Variants in NFKBIZ observed in about 807,000 individuals in gnomAD.
The protein encoded by NFKBIZ is NFKB inhibitor zeta.
In NFKBIZ, 19 loss-of-function variants were observed where a neutral mutation model predicts 76.8. The observed-to-expected ratio is 0.25, with a 90% CI of 0.17 to 0.36. The LOEUF is 0.36. NFKBIZ is among the 10% of genes least tolerant of loss of function. The pLI, the probability that NFKBIZ is intolerant of heterozygous loss-of-function variation, is 1.00. For missense variants in NFKBIZ, 829 were observed against 910.9 expected (o/e 0.91, Z 1.16); for synonymous variants, 368 against 354.8 (o/e 1.04, Z -0.42).
At chr3:101,831,709 T>C (rs1942650424) in intron 2 of NFKBIZ, among the ~76,000 whole-genome samples, 1 of 152,084 alleles carries the variant, frequency 6.6e-6, no homozygotes, top group Non-Finnish European at 1.5e-5. Flanking sequence ...AGCCCCTTCT[T>C]GGCTCACTGC....
chr3:101,849,030 C>T (rs936905293), upstream of NFKBIZ: 4 of 152,626 alleles, frequency 2.6e-5, no homozygotes, highest in African/African-American at 4.8e-5. Context: ...CCGGGGCAGG[C>T]AGAGGGGTGC....
chr3:101,845,294 CTTTT>C (rs759102672), upstream of NFKBIZ, among the ~76,000 whole-genome samples: 7 of 131,160 alleles, frequency 5.3e-5, no homozygotes, highest in African/African-American at 2.8e-5. Context: ...AATCCAATTC[CTTTT>C]TTTTTTTTTT....
upstream of NFKBIZ, among the ~76,000 whole-genome samples, chr3:101,847,855 G>A (rs541216455): frequency 6.6e-6 from 1 of 152,216 alleles, no homozygotes; most frequent in South Asian, 2.1e-4. Flanking sequence ...CAAACTCATC[G>A]TGTCCCCCCC....
At chr3:101,850,367 T>A (rs1049601054) in intron 1 of NFKBIZ, 1 of 154,416 alleles carries the variant, frequency 6.5e-6, no homozygotes, top group Non-Finnish European at 1.4e-5. Context: ...TCTCAGTTTT[T>A]ATGGAATTTT....
chr3:101,838,751 A>G (rs1331486518), intron 2 of NFKBIZ, among the ~76,000 whole-genome samples: 1 of 152,220 alleles, frequency 6.6e-6, no homozygotes, highest in African/African-American at 2.4e-5. Context: ...TCTTTTAGTA[A>G]CTGAGAATTC....
chr3:101,838,505 G>C (rs1258046431), intron 2 of NFKBIZ, among the ~76,000 whole-genome samples: 1 of 152,178 alleles, frequency 6.6e-6, no homozygotes, highest in Non-Finnish European at 1.5e-5. Context: ...TGGGCCAAGA[G>C]ACAAGATGGA....
chr3:101,853,588 T>C lies in NFKBIZ; in HGVS notation c.1062T>C (p.Ala354=). The C allele has an allele frequency of 6.2e-7, 1 of 1,614,252 alleles. No individual in the cohort carries two copies. Among genetic ancestry groups the C allele is most frequent in the South Asian group, 1.1e-5 (1 of 91,090 alleles). The change falls in exon 5 of 12, where the codon GCT becomes GCC. Residue 354 remains alanine (A), a synonymous_variant. Transcript: ENST00000326172. ...ATCAAAGGGAATCTGAGAATATTGC[T>C]AATCCCATGCAGACTTCCTCCAGTG... The part of the protein sequence containing the change: ...LGDQRESENI[A]NPMQTSSSVQ...
intron 2 of NFKBIZ, among the ~76,000 whole-genome samples, chr3:101,836,990 T>C (rs1942728678): frequency 6.6e-6 from 1 of 152,232 alleles, no homozygotes; most frequent in Non-Finnish European, 1.5e-5. Flanking sequence ...CCTTGGTTTC[T>C]GTGAGGTCTC....
Position 101,855,455 on chromosome 3 carries a change from G to T in NFKBIZ, c.1651G>T (p.Asp551Tyr). 6.2e-7 allele frequency: 1 copy of T among 1,613,906 alleles called. No homozygotes were observed. Among genetic ancestry groups the T allele is most frequent in the Non-Finnish European group, 8.5e-7 (1 of 1,179,788 alleles). Residue 551 changes from aspartate (D) to tyrosine (Y), a missense_variant, in exon 8 of 12, where the codon GAT (aspartate) becomes TAT (tyrosine). This residue lies in a region of NFKBIZ where 272 missense variants were observed against 384.2 expected (regional missense o/e 0.71). Coordinates refer to ENST00000326172, the MANE Select transcript of NFKBIZ (RefSeq NM_031419.4). ...TGTGGATCTTGAGGCAACTAACTAT[G>T]ATGGTAAGCAACTGAAACTTTATTA... is the stretch of plus-strand genomic sequence containing the variant. ...QFVDLEATNY[D>Y]GLTPLHCAVI...
intron 10 of NFKBIZ, 51 bp from the exon 11 acceptor site, chr3:101,857,241 C>T (rs376137837): frequency 1.2e-6 from 2 of 1,611,238 alleles, no homozygotes; most frequent in Non-Finnish European, 8.5e-7. Flanking sequence ...GAGCTCCTTT[C>T]ATGAAATTTC....
At chr3:101,839,982 A>AGT (rs1942767895) in intron 2 of NFKBIZ, among the ~76,000 whole-genome samples, 3 of 152,112 alleles carry the variant, frequency 2.0e-5, no homozygotes, top group Admixed American at 1.3e-4. Flanking sequence ...TGTAGGAAAG[A>AGT]GTGTCACAAA....
chr3:101,846,331 T>A (rs987133566), upstream of NFKBIZ, among the ~76,000 whole-genome samples: 9 of 152,250 alleles, frequency 5.9e-5, no homozygotes, highest in African/African-American at 1.9e-4. Flanking sequence ...TTCGACTTAA[T>A]AGATCAAACT....
chr3:101,855,011 TATG>T (rs749825092), intron 6 of NFKBIZ, 48 bp from the exon 7 acceptor site: 8 of 1,529,028 alleles, frequency 5.2e-6, no homozygotes, highest in South Asian at 2.6e-5. Flanking sequence ...TATTCCTTGT[TATG>T]ATAACATTGT....
chr3:101,832,536 A>G (rs1037005196), intron 2 of NFKBIZ, among the ~76,000 whole-genome samples: 2 of 152,158 alleles, frequency 1.3e-5, no homozygotes, highest in African/African-American at 4.8e-5. Flanking sequence ...ATGACTCTAC[A>G]TACCTTATGT....
At chr3:101,857,583 G>A in intron 11 of NFKBIZ, 124 bp downstream of exon 11, 1 of 1,489,388 alleles carries the variant, frequency 6.7e-7, no homozygotes, top group South Asian at 1.4e-5. Context: ...CAGTGTCTGT[G>A]TCTCACGGTA....
At chr3:101,837,491 C>CAAAAAAAAAAA (rs10713154) in intron 2 of NFKBIZ, among the ~76,000 whole-genome samples, 4 of 93,098 alleles carry the variant, frequency 4.3e-5, no homozygotes, top group African/African-American at 1.1e-4. Flanking sequence ...GATCCTGTCT[C>CAAAAAAAAAAA]AAAAAAAAAA....
At chr3:101,832,022 C>T (rs749196484) in intron 2 of NFKBIZ, among the ~76,000 whole-genome samples, 6 of 152,202 alleles carry the variant, frequency 3.9e-5, no homozygotes, top group Non-Finnish European at 7.3e-5. Flanking sequence ...GATCCTCCTG[C>T]CTTAGCCTCA....
chr3:101,859,356 A>C lies in NFKBIZ; in HGVS notation c.2142A>C (p.Arg714Ser). Reference protein sequence around the residue: ...RILKGKSIQQRAPPY With the variant: ...RILKGKSIQQSAPPY ...TGAAGGGAAAGTCCATTCAGCAGAG[A>C]GCTCCACCGTATTAGCTCCATTAGC... is the stretch of plus-strand genomic sequence containing the variant. The change falls in exon 12 of 12, where the codon AGA becomes AGC. Residue 714 changes from arginine (R) to serine (S), a missense_variant. Arg to Ser is a moderately radical substitution (Grantham distance 110). Coordinates refer to ENST00000326172, the MANE Select transcript of NFKBIZ (RefSeq NM_031419.4). 1 of 1,613,628 alleles carries C rather than the reference A, an allele frequency of 6.2e-7. No individual in the cohort carries two copies. The highest frequency in any genetic ancestry group is 8.5e-7 in the Non-Finnish European group (1 of 1,179,674).
chr3:101,839,252 T>A (rs1942759548), intron 2 of NFKBIZ, among the ~76,000 whole-genome samples: 1 of 152,304 alleles, frequency 6.6e-6, no homozygotes, highest in East Asian at 1.9e-4. Flanking sequence ...CCTCAAGTTT[T>A]AAATTCTGAA....
Sources: gnomAD v4.1 joint callset for allele counts (sites outside exome capture counted in the v4.1 genomes callset) on GRCh38, gnomAD v4.1.1 for gene constraint, gnomAD v4.1.1 regional missense constraint, MANE v1.5 for transcripts, NCBI Gene and HGNC (gene_info 2026-07-23, HGNC 2026-07-21) for gene names.